Variants in ARHGAP21 observed in about 807,000 individuals in gnomAD.
ARHGAP21 encodes the protein rho GTPase-activating protein 21.
ARHGAP21 carries 38 observed loss-of-function variants against 164.6 expected under a neutral mutation model. The observed-to-expected ratio is 0.23, with a 90% CI of 0.18 to 0.30. The LOEUF (loss-of-function observed/expected upper bound fraction) is 0.30, where lower values mean the gene tolerates loss of function less well. Ranked by LOEUF, ARHGAP21 falls within the 10% of genes least tolerant of loss-of-function variation. ARHGAP21 has a pLI of 1.00. For synonymous variants in ARHGAP21, 766 were observed against 857.9 expected (o/e 0.89, Z 1.87); for missense variants, 1,822 against 2,370.7 (o/e 0.77, Z 4.81).
chr10:24,593,445 G>A (rs1455893702), intron 21 of ARHGAP21, among the ~76,000 whole-genome samples: 2 of 152,026 alleles, frequency 1.3e-5, no homozygotes, highest in African/African-American at 4.8e-5. Flanking sequence ...TATGATTTAT[G>A]TTTTTAGACT....
intron 25 of ARHGAP21, among the ~76,000 whole-genome samples, chr10:24,588,297 G>GT (rs1462245075): frequency 7.5e-6 from 1 of 134,030 alleles, no homozygotes; most frequent in African/African-American, 2.6e-5. Flanking sequence ...ATCTCTACAA[G>GT]TAACTATCAA....
At chr10:24,642,464 A>C (rs1015310401) in intron 4 of ARHGAP21, among the ~76,000 whole-genome samples, 1 of 149,276 alleles carries the variant, frequency 6.7e-6, no homozygotes, top group Admixed American at 6.7e-5. Context: ...GCAGTGAGCC[A>C]AGATCGCGCC....
chr10:24,606,075 T>C (rs937567461), intron 11 of ARHGAP21, among the ~76,000 whole-genome samples: 1 of 152,092 alleles, frequency 6.6e-6, no homozygotes, highest in Non-Finnish European at 1.5e-5. Flanking sequence ...TTATCTAATT[T>C]GAATAAATTA....
intron 2 of ARHGAP21, among the ~76,000 whole-genome samples, chr10:24,707,425 A>T (rs546751263): frequency 4.5e-4 from 68 of 152,186 alleles, no homozygotes; most frequent in African/African-American, 1.5e-3. Flanking sequence ...CCTCCCTCTA[A>T]TTTCTTACAC....
At chr10:24,626,048 C>CTGTTTAACTTTGCTG (rs1335022603) in intron 7 of ARHGAP21, among the ~76,000 whole-genome samples, 1 of 152,130 alleles carries the variant, frequency 6.6e-6, no homozygotes, top group East Asian at 1.9e-4. Flanking sequence ...ACCAGACATG[C>CTGTTTAACTTTGCTG]TGTTTAACTT....
At chr10:24,721,359 C>A (rs750050909) in intron 2 of ARHGAP21, among the ~76,000 whole-genome samples, 2 of 152,202 alleles carry the variant, frequency 1.3e-5, no homozygotes, top group Non-Finnish European at 2.9e-5. Context: ...GCAGCAACAG[C>A]AGCCAGACTC....
intron 4 of ARHGAP21, among the ~76,000 whole-genome samples, chr10:24,652,152 AGCCATGG>A (rs759083701): frequency 3.3e-5 from 5 of 152,180 alleles, no homozygotes; most frequent in Non-Finnish European, 7.3e-5. Flanking sequence ...TACAAAAATG[AGCCATGG>A]GTCAATCCCT....
rs775941789 is a variant in ARHGAP21 at position 24,585,207 on chromosome 10, G to T, written c.5082C>A (p.Ser1694=). ...GAGTATCACATTCGATGAGTTTATG[G>T]GAACTGAAGAGCTGTCTCCGGCTAT... ...SLDSRRQLFS[S]HKLIECDTLS... is the part of the protein sequence containing the mutation. The change falls in exon 26 of 26, where the codon TCC becomes TCA. Residue 1694 remains serine (S), a synonymous_variant. Transcript: ENST00000396432. 8.1e-6 allele frequency: 13 copies of T among 1,606,168 alleles called. No individual in the cohort carries two copies. The highest frequency in any genetic ancestry group is 2.7e-5 in the African/African-American group (2 of 74,738).
intron 2 of ARHGAP21, among the ~76,000 whole-genome samples, chr10:24,719,129 A>ACC (rs1555025803): frequency 3.5e-4 from 51 of 147,032 alleles, no homozygotes; most frequent in Non-Finnish European, 4.8e-4. Flanking sequence ...ACACACACAC[A>ACC]CCCCAAAAAT....
At position 24,624,337 on chromosome 10, in the gene ARHGAP21, CTTT is replaced by C. The variant is rs565872094; in HGVS notation, c.496-1578_496-1576del. Among the ~76,000 whole-genome samples the C allele has an allele frequency of 4.7e-4, 48 of 102,862 alleles. 1 individual carries two copies. In the South Asian group the frequency reaches 0.014, roughly 31 times the overall value. 67.5% of individuals were successfully genotyped at this position (102,862 alleles called of 152,430 possible). A position where few individuals can be genotyped will look rare whatever the true frequency, so the allele number is the denominator to read the frequency against. On this transcript the variant is annotated intron_variant, in intron 7 of 25. Coordinates refer to ENST00000396432, the MANE Select transcript of ARHGAP21 (RefSeq NM_020824.4). ...CTGCCTGGGAAATGCTGTTCTAGAA[CTTT>C]TTTTTTTTTTTTTTTTTGAGACCGA...
chr10:24,664,609 G>A (rs7911476), intron 4 of ARHGAP21, among the ~76,000 whole-genome samples: 123,486 of 150,840 alleles, frequency 0.82, 50,774 homozygotes, highest in African/African-American at 0.9. Flanking sequence ...ATCCTAAACC[G>A]TGAATTTATG....
At chr10:24,708,504 T>C (rs4415644) in intron 2 of ARHGAP21, among the ~76,000 whole-genome samples, 123,467 of 152,110 alleles carry the variant, frequency 0.81, 50,281 homozygotes, top group African/African-American at 0.88. Context: ...GTGGTCAAGT[T>C]GGCTTTTCGT....
intron 4 of ARHGAP21, among the ~76,000 whole-genome samples, chr10:24,640,665 A>G (rs1311317366): frequency 6.6e-6 from 1 of 152,186 alleles, no homozygotes; most frequent in Admixed American, 6.5e-5. Flanking sequence ...ATTGAAATTA[A>G]TATCTATTTT....
chr10:24,695,270 T>C (rs1282914029), intron 2 of ARHGAP21, among the ~76,000 whole-genome samples: 2 of 152,022 alleles, frequency 1.3e-5, no homozygotes, highest in African/African-American at 4.8e-5. Flanking sequence ...TTCTAATAAA[T>C]AGATAAATAG....
intron 2 of ARHGAP21, among the ~76,000 whole-genome samples, chr10:24,703,257 A>G (rs1229409771): frequency 6.6e-6 from 1 of 152,200 alleles, no homozygotes; most frequent in Non-Finnish European, 1.5e-5. Context: ...AATTTTTAAA[A>G]TTAAATTAAT....
chr10:24,706,706 C>G (rs148690549), intron 2 of ARHGAP21: 1 of 152,652 alleles, frequency 6.6e-6, no homozygotes, highest in East Asian at 1.9e-4. Flanking sequence ...ATCTTCCCCT[C>G]CCTTTCCTGT....
chr10:24,698,731 C>T (rs1843384672), intron 2 of ARHGAP21, among the ~76,000 whole-genome samples: 1 of 152,194 alleles, frequency 6.6e-6, no homozygotes, highest in Non-Finnish European at 1.5e-5. Flanking sequence ...TTGCTATTAA[C>T]CATCAATGTG....
rs536418304 is a variant in ARHGAP21 at position 24,662,994 on chromosome 10, A to G, written c.268+3991T>C. 3.4e-5 allele frequency among the ~76,000 whole-genome samples: 5 copies of G among 148,042 alleles called. No individual in the cohort carries two copies. In the East Asian group the frequency reaches 9.9e-4, roughly 29 times the overall value. ...TTTTTTTTTTCAGTAAAAATATGGTATTCATAGTAACACAAGGATGCAAAA... is the reference window on the plus strand; with the variant it reads ...TTTTTTTTTTCAGTAAAAATATGGTGTTCATAGTAACACAAGGATGCAAAA... On this transcript the variant is annotated intron_variant, in intron 4 of 25. Coordinates refer to ENST00000396432, the MANE Select transcript of ARHGAP21 (RefSeq NM_020824.4).
chr10:24,620,381 G>C lies in ARHGAP21; in HGVS notation c.1514C>G (p.Thr505Ser), dbSNP rs776182226. 2 of 1,613,178 alleles carry C rather than the reference G, an allele frequency of 1.2e-6. No homozygotes were observed. The highest frequency in any genetic ancestry group is 2.2e-5 in the South Asian group (2 of 90,928). Residue 505 changes from threonine (T) to serine (S), a missense_variant, in exon 9 of 26, where the codon ACC (threonine) becomes AGC (serine). Transcript: ENST00000396432. ...AGTTCCAGAATTGACATTTTCTAAG[G>C]TTTCATCCTGTCCCTCAATATAATC... Reference protein sequence around the residue: ...SWDYIEGQDETLENVNSGTPI... With the variant: ...SWDYIEGQDESLENVNSGTPI...
Sources: allele counts gnomAD v4.1 joint callset (sites outside exome capture counted in the v4.1 genomes callset), GRCh38; gene constraint gnomAD v4.1.1; transcripts MANE v1.5; gene names NCBI Gene and HGNC (gene_info 2026-07-23, HGNC 2026-07-21).